Variants in PMPCB observed in about 807,000 individuals in gnomAD.
The protein encoded by PMPCB is mitochondrial-processing peptidase subunit beta.
Under a neutral mutation model 61.5 loss-of-function variants are expected in PMPCB, and 46 were observed. The observed-to-expected ratio is 0.75, with a 90% confidence interval of 0.59 to 0.96. The LOEUF is 0.96. Among genes scored for constraint, PMPCB ranks in the 40% least tolerant of loss-of-function variants. The pLI is 0.00. For synonymous variants in PMPCB, 191 were observed against 201.6 expected (o/e 0.95, Z 0.44); for missense variants, 590 against 602.4 (o/e 0.98, Z 0.22).
At chr7:103,307,173 G>A (rs1410776037) in intron 6 of PMPCB, among the ~76,000 whole-genome samples, 2 of 152,206 alleles carry the variant, frequency 1.3e-5, no homozygotes, top group African/African-American at 2.4e-5. Flanking sequence ...GATTATAGGC[G>A]TGAGCCACCA....
rs762168954 is a variant in PMPCB at position 103,297,444 on chromosome 7, C to T, written c.-16C>T. ...CGGAAGCACATCCTTCATCCTCTAC[C>T]TTCCTTCTAGCAGAAATGGCGGCTG... On this transcript the variant is annotated 5_prime_UTR_variant, in exon 1 of 13. Coordinates refer to ENST00000249269, the MANE Select transcript of PMPCB (RefSeq NM_004279.3). 1.8e-5 allele frequency: 27 copies of T among 1,540,790 alleles called. No individual in the cohort carries two copies. Among genetic ancestry groups the T allele is most frequent in the African/African-American group, 4.1e-5 (3 of 72,724 alleles).
At chr7:103,340,229 C>T in the PMPCB span, among the ~76,000 whole-genome samples, 1 of 152,190 alleles carries the variant, frequency 6.6e-6, no homozygotes, top group Admixed American at 6.5e-5. Flanking sequence ...GTGTCTTTTT[C>T]TTTGTTTTCT....
intron 12 of PMPCB, chr7:103,323,701 T>A (rs1251262835): frequency 7.6e-7 from 1 of 1,313,278 alleles, no homozygotes; most frequent in East Asian, 2.8e-5. Flanking sequence ...CAAGACAGAA[T>A]AAATGAAAAA....
the PMPCB span, chr7:103,341,823 C>T: frequency 6.2e-7 from 1 of 1,610,410 alleles, no homozygotes; most frequent in Non-Finnish European, 8.5e-7. Context: ...TGCAATTCTT[C>T]ATCTTCTGAT....
At chr7:103,336,994 C>A in the PMPCB span, 4 of 152,340 alleles carry the variant, frequency 2.6e-5, no homozygotes, top group East Asian at 5.8e-4. Context: ...ACTCCCTGCT[C>A]CTTTTCCATG....
At chr7:103,302,723 AAC>A (rs1206779075) in intron 4 of PMPCB, among the ~76,000 whole-genome samples, 1 of 152,196 alleles carries the variant, frequency 6.6e-6, no homozygotes, top group Non-Finnish European at 1.5e-5. Context: ...AACAAGCAAC[AAC>A]AGTTTGTAGT....
chr7:103,307,711 A>G lies in PMPCB; in HGVS notation c.849+3A>G, dbSNP rs562024828. 1.3e-5 allele frequency: 20 copies of G among 1,525,712 alleles called. No homozygotes were observed. In the South Asian group the frequency reaches 2.0e-4, roughly 15 times the overall value. 94.5% of individuals were successfully genotyped at this position (1,525,712 alleles called of 1,614,324 possible). A position where few individuals can be genotyped will look rare whatever the true frequency, so the allele number is the denominator to read the frequency against. ...CCTGCAAATTCACAGGAAGTGAGGTAGGGCAAGCCTTCCAGCTAGTATTTA... is the reference window on the plus strand; with the variant it reads ...CCTGCAAATTCACAGGAAGTGAGGTGGGGCAAGCCTTCCAGCTAGTATTTA... On this transcript the variant is annotated splice_donor_region_variant and intron_variant, in intron 7 of 12. Transcript: ENST00000249269.
intron 4 of PMPCB, among the ~76,000 whole-genome samples, chr7:103,301,234 C>T (rs1817442418): frequency 6.6e-6 from 1 of 152,202 alleles, no homozygotes; most frequent in African/African-American, 2.4e-5. Flanking sequence ...TGCGTGTCTT[C>T]TTACCAGATT....
chr7:103,319,033 G>A (rs922091428), downstream of PMPCB, among the ~76,000 whole-genome samples: 12 of 152,066 alleles, frequency 7.9e-5, no homozygotes, highest in Non-Finnish European at 1.6e-4. Flanking sequence ...CCAACACAGC[G>A]AAACCCTGTC....
At chr7:103,331,744 A>G (rs1173900040), downstream of PMPCB, among the ~76,000 whole-genome samples, 6 of 152,038 alleles carry the variant, frequency 3.9e-5, no homozygotes, top group Non-Finnish European at 7.4e-5. Flanking sequence ...TTCTTTATCA[A>G]CTAGTCTGCT....
intron 3 of PMPCB, 74 bp from the exon 4 acceptor site, chr7:103,300,104 A>G: frequency 7.2e-7 from 1 of 1,391,480 alleles, no homozygotes; most frequent in Non-Finnish European, 9.9e-7. Flanking sequence ...TGTCCTCCAT[A>G]TTCATTATCT....
Position 103,299,342 on chromosome 7 carries a change from T to A in PMPCB, c.241-101T>A, listed in dbSNP as rs935606243. 5 of 674,118 alleles carry A rather than the reference T, an allele frequency of 7.4e-6. No individual in the cohort carries two copies. The East Asian group carries it at 1.4e-4, about 19-fold the overall frequency. The allele number at this position is 674,118 out of a possible 1,614,324, so 41.8% of individuals were successfully genotyped here. On this transcript the variant is annotated intron_variant, in intron 2 of 12. Coordinates refer to ENST00000249269, the MANE Select transcript of PMPCB (RefSeq NM_004279.3). ...CACTCAGGTCAAGAAAATCTTAGTGTTAAGACCAGAAAGCATTTGTCAGAA... is the reference window on the plus strand; with the variant it reads ...CACTCAGGTCAAGAAAATCTTAGTGATAAGACCAGAAAGCATTTGTCAGAA...
intron 12 of PMPCB, chr7:103,322,037 T>C (rs555904836): frequency 8.7e-6 from 14 of 1,613,862 alleles, no homozygotes; most frequent in South Asian, 1.1e-5. Flanking sequence ...CCTCCTCTTC[T>C]TTCTCCTTAG....
chr7:103,298,459 CT>C, intron 1 of PMPCB, 108 bp from the exon 2 acceptor site: 1 of 1,130,020 alleles, frequency 8.8e-7, no homozygotes, highest in Non-Finnish European at 1.3e-6. Context: ...AAGAAAGATT[CT>C]TTTATAGAGA....
At chr7:103,335,314 TTAGA>T in the PMPCB span, 7 of 152,302 alleles carry the variant, frequency 4.6e-5, no homozygotes, top group East Asian at 5.8e-4. Context: ...ATTTTAACTT[TTAGA>T]TAGATTTTCA....
intron 12 of PMPCB, chr7:103,321,823 G>A (rs1818435943): frequency 1.6e-6 from 2 of 1,286,034 alleles, no homozygotes; most frequent in Non-Finnish European, 1.1e-6. Flanking sequence ...ACTCCAGCCT[G>A]GGCGACAGAG....
intron 11 of PMPCB, 68 bp downstream of exon 11, chr7:103,311,964 T>TATC (rs1817771077): frequency 1.3e-6 from 2 of 1,517,602 alleles, no homozygotes; most frequent in Non-Finnish European, 1.8e-6. Flanking sequence ...TGAGAATATG[T>TATC]ATCTTTCATC....
the PMPCB span, among the ~76,000 whole-genome samples, chr7:103,340,412 T>C: frequency 4.6e-5 from 7 of 152,344 alleles, no homozygotes; most frequent in East Asian, 1.3e-3. Flanking sequence ...TACATATGCT[T>C]TAGCTTATTT....
chr7:103,345,874 G>A, the PMPCB span, among the ~76,000 whole-genome samples: 1 of 151,840 alleles, frequency 6.6e-6, no homozygotes, highest in Non-Finnish European at 1.5e-5. Flanking sequence ...GAGGCCGGGA[G>A]GTGGAGGTTG....
Sources: allele counts gnomAD v4.1 joint callset (sites outside exome capture counted in the v4.1 genomes callset), GRCh38; gene constraint gnomAD v4.1.1; transcripts MANE v1.5; gene names NCBI Gene and HGNC (gene_info 2026-07-23, HGNC 2026-07-21).